Variants in ACYP2 observed in about 807,000 individuals in gnomAD.
ACYP2 encodes acylphosphatase-2.
In ACYP2, 12 loss-of-function variants were observed where a neutral mutation model predicts 11.2. That is an observed-to-expected ratio of 1.08 (90% CI 0.69 to 1.74). The LOEUF is 1.74. Among genes scored for constraint, ACYP2 ranks in the 40% most tolerant of loss-of-function variants. The probability of loss-of-function intolerance (pLI) is 0.00; values close to 1 mark genes in which losing one functional copy is unlikely to be tolerated. For missense variants in ACYP2, 134 were observed against 101.9 expected (o/e 1.31, Z -1.35); for synonymous variants, 43 against 32.2 (o/e 1.33, Z -1.13).
At chr2:54,296,457 T>C (rs1301014717) in intron 6 of ACYP2, among the ~76,000 whole-genome samples, 1 of 152,248 alleles carries the variant, frequency 6.6e-6, no homozygotes, top group African/African-American at 2.4e-5. Flanking sequence ...GATTTTTCCT[T>C]AGTTATTTAA....
chr2:54,256,754 G>A (rs1687558248), intron 6 of ACYP2, among the ~76,000 whole-genome samples: 6 of 152,324 alleles, frequency 3.9e-5, no homozygotes, highest in Admixed American at 3.9e-4. Context: ...CGATTCTCCT[G>A]CTTCAGCCTC....
intron 6 of ACYP2, among the ~76,000 whole-genome samples, chr2:54,241,944 G>A (rs1686747449): frequency 6.6e-6 from 1 of 152,184 alleles, no homozygotes; most frequent in African/African-American, 2.4e-5. Context: ...AACCCAGGAG[G>A]CAGAGGTTGC....
At chr2:54,055,016 A>G (rs1027320457) in intron 3 of ACYP2, among the ~76,000 whole-genome samples, 5 of 152,146 alleles carry the variant, frequency 3.3e-5, no homozygotes, top group Middle Eastern at 3.2e-3. Context: ...AGAGCTGGCT[A>G]TGCAACAACT....
chr2:54,275,614 A>G (rs547494727), intron 6 of ACYP2, among the ~76,000 whole-genome samples: 13 of 152,312 alleles, frequency 8.5e-5, no homozygotes, highest in Middle Eastern at 3.4e-3. Context: ...GTGCTTCCCA[A>G]GGCTTTGACA....
intron 2 of ACYP2, among the ~76,000 whole-genome samples, chr2:54,012,282 G>A (rs1168609708): frequency 3.3e-5 from 5 of 150,088 alleles, no homozygotes; most frequent in South Asian, 2.1e-4. Context: ...TGGCTCACAC[G>A]ATCACTTAAG....
chr2:54,075,362 G>T (rs1055394591), intron 4 of ACYP2, among the ~76,000 whole-genome samples: 1 of 152,130 alleles, frequency 6.6e-6, no homozygotes, highest in Admixed American at 6.5e-5. Flanking sequence ...AGCTGGGAAT[G>T]GTGGCACATG....
chr2:54,243,718 T>C (rs1326910512), intron 6 of ACYP2, among the ~76,000 whole-genome samples: 1 of 152,088 alleles, frequency 6.6e-6, no homozygotes, highest in Non-Finnish European at 1.5e-5. Flanking sequence ...TACAGATGCA[T>C]GCCACCACGG....
intron 6 of ACYP2, among the ~76,000 whole-genome samples, chr2:54,199,925 C>T (rs961216938): frequency 6.6e-6 from 1 of 152,190 alleles, no homozygotes; most frequent in Non-Finnish European, 1.5e-5. Context: ...CTGGACGATC[C>T]ACCAACTGTG....
chr2:53,975,974 T>C (rs1671463278), intron 2 of ACYP2, among the ~76,000 whole-genome samples: 1 of 152,190 alleles, frequency 6.6e-6, no homozygotes, highest in East Asian at 1.9e-4. Flanking sequence ...AAAGAAAATA[T>C]TCTAAAGAGA....
At chr2:53,973,299 T>G (rs1671263242) in intron 1 of ACYP2, among the ~76,000 whole-genome samples, 1 of 152,118 alleles carries the variant, frequency 6.6e-6, no homozygotes, top group Non-Finnish European at 1.5e-5. Context: ...GGACAACCTT[T>G]TAAAAAATAA....
At chr2:54,131,405 G>A (rs973401385) in intron 4 of ACYP2, among the ~76,000 whole-genome samples, 5 of 152,152 alleles carry the variant, frequency 3.3e-5, no homozygotes, top group South Asian at 4.1e-4. Context: ...TTGAAAGGAC[G>A]TTGCTCTTCA....
chr2:54,187,894 T>C (rs1684075530), intron 6 of ACYP2, among the ~76,000 whole-genome samples: 1 of 152,158 alleles, frequency 6.6e-6, no homozygotes, highest in Non-Finnish European at 1.5e-5. Flanking sequence ...TGATGGATAA[T>C]GCCGCTATGA....
chr2:54,100,383 G>A (rs1478283251), intron 4 of ACYP2, among the ~76,000 whole-genome samples: 1 of 149,544 alleles, frequency 6.7e-6, no homozygotes, highest in African/African-American at 2.5e-5. Context: ...GCTCACTGAA[G>A]CCTCAACCTC....
intron 2 of ACYP2, among the ~76,000 whole-genome samples, chr2:54,028,017 A>G (rs915851620): frequency 3.3e-5 from 5 of 151,370 alleles, no homozygotes; most frequent in African/African-American, 1.2e-4. Flanking sequence ...TAATTTTTGT[A>G]TTTTTAGTAG....
chr2:54,094,678 C>T (rs1678421271), intron 4 of ACYP2, among the ~76,000 whole-genome samples: 2 of 151,256 alleles, frequency 1.3e-5, no homozygotes, highest in African/African-American at 4.9e-5. Context: ...GCCAGGACTA[C>T]AGGCATGTGC....
At position 54,052,979 on chromosome 2, in the gene ACYP2, G is replaced by A. The variant is rs138213456; in HGVS notation, c.155+1929G>A. Among the ~76,000 whole-genome samples, 358 of 152,328 alleles carry A rather than the reference G, an allele frequency of 2.4e-3. 4 individuals carry two copies. Among genetic ancestry groups the A allele is most frequent in the African/African-American group, 8.2e-3 (343 of 41,576 alleles). The stretch of plus-strand genomic sequence containing the variant: ...ATCTATTAAAACATATCTGGGCCCT[G>A]TAATTAGTTTTTACTTTTACTAGCT... On this transcript the variant is annotated intron_variant, in intron 3 of 6. Transcript: ENST00000607452.
rs146579074 is a variant in ACYP2, at chr2:54,139,165, C to T, written c.404+417C>T. 3.4e-3 allele frequency among the ~76,000 whole-genome samples: 518 copies of T among 152,272 alleles called. 6 individuals are homozygous for T. The highest frequency in any genetic ancestry group is 0.012 in the African/African-American group (495 of 41,562). ...TGGCTTCCCTCTCCAATTTGTATGTCCTGTGGCATCTCCTCCAGCGTTAGG... is the reference window on the plus strand; with the variant it reads ...TGGCTTCCCTCTCCAATTTGTATGTTCTGTGGCATCTCCTCCAGCGTTAGG... On this transcript the variant is annotated intron_variant, in intron 6 of 6. Coordinates refer to ENST00000607452, the MANE Select transcript of ACYP2 (RefSeq NM_001320586.2).
At chr2:54,101,133 G>C (rs923403742) in intron 4 of ACYP2, among the ~76,000 whole-genome samples, 1 of 152,120 alleles carries the variant, frequency 6.6e-6, no homozygotes, top group Non-Finnish European at 1.5e-5. Flanking sequence ...ATAGCCCTGT[G>C]AGAGAGCTGC....
chr2:54,150,255 G>A (rs900483970), intron 6 of ACYP2, among the ~76,000 whole-genome samples: 2 of 152,172 alleles, frequency 1.3e-5, no homozygotes, highest in Non-Finnish European at 2.9e-5. Flanking sequence ...TGGCCTCAAA[G>A]CCTGAACTAT....
Sources: allele counts gnomAD v4.1 joint callset (sites outside exome capture counted in the v4.1 genomes callset), GRCh38; gene constraint gnomAD v4.1.1; transcripts MANE v1.5; gene names NCBI Gene and HGNC (gene_info 2026-07-23, HGNC 2026-07-21).